The following NRBP2 variants were observed in gnomAD, a reference collection of about 807,000 sequenced individuals.
The protein encoded by NRBP2 is nuclear receptor-binding protein 2.
A neutral mutation model predicts 74.4 loss-of-function variants in NRBP2; 47 were observed. The ratio of observed to expected loss-of-function variants is 0.63; its 90% confidence interval spans 0.50 to 0.81. The LOEUF (loss-of-function observed/expected upper bound fraction) is 0.81, where lower values mean the gene tolerates loss of function less well. NRBP2 is among the 30% of genes least tolerant of loss of function. The pLI, the probability that NRBP2 is intolerant of heterozygous loss-of-function variation, is 0.00. For synonymous variants in NRBP2, 312 were observed against 273.8 expected (o/e 1.14, Z -1.38); for missense variants, 613 against 690.1 (o/e 0.89, Z 1.25).
At chr8:143,830,627 A>C (rs1417846872), downstream of NRBP2, among the ~76,000 whole-genome samples, 1 of 152,226 alleles carries the variant, frequency 6.6e-6, no homozygotes, top group Non-Finnish European at 1.5e-5. Context: ...TGCCCAGTAG[A>C]ATGGCCCAGC....
At chr8:143,831,872 G>C (rs1356763033), downstream of NRBP2, among the ~76,000 whole-genome samples, 1 of 152,182 alleles carries the variant, frequency 6.6e-6, no homozygotes, top group Non-Finnish European at 1.5e-5. Context: ...AGAGTTCTTG[G>C]AACTAGAAGA....
rs1312642410 is a variant in NRBP2 at position 143,838,456 on chromosome 8, G to A, written c.840+224C>T. Among the ~76,000 whole-genome samples, 5 of 152,232 alleles carry A rather than the reference G, an allele frequency of 3.3e-5. No homozygotes were observed. In the East Asian group the frequency reaches 9.6e-4, roughly 29 times the overall value. ...TGGTGATGGCAGCCACAGAGGGAGG[G>A]TCTCTCTTGCCTTCTTGTCCTTAGA... On this transcript the variant is annotated intron_variant, in intron 10 of 17. Coordinates refer to ENST00000442628, the MANE Select transcript of NRBP2 (RefSeq NM_178564.4).
At position 143,837,103 on chromosome 8, in the gene NRBP2, G is replaced by A. The variant is rs782213930; in HGVS notation, c.1199C>T (p.Pro400Leu). ...CTTGGCCTTTTGGACCTCCTCCGGG[G>A]GTGGGGCCAGCACACGGGGCAGCCC... The part of the protein sequence containing the change: ...PLGLPRVLAP[P>L]PEEVQKAKTP... The change falls in exon 14 of 18, where the codon CCC becomes CTC. Residue 400 changes from proline to leucine, a missense_variant. Pro to Leu is a moderately conservative substitution (Grantham distance 98). Around this residue, in one of 2 missense-constraint regions of NRBP2, gnomAD observed 281 missense variants for 260.9 expected, o/e 1.08. Transcript: ENST00000442628. The surrounding 1 kb of genome is among the most constrained non-coding windows in gnomAD (Gnocchi z 4.3). The A allele has an allele frequency of 1.2e-5, 19 of 1,612,582 alleles. No homozygotes were observed. The highest frequency in any genetic ancestry group is 1.6e-5 in the Non-Finnish European group (19 of 1,179,394).
In NRBP2 at chr8:143,840,535, G is replaced by C; in HGVS notation, c.129+171C>G. On this transcript the variant is annotated intron_variant, in intron 1 of 17. Transcript: ENST00000442628. This position sits in a 1 kb window ranked among gnomAD's most constrained non-coding sequence, Gnocchi z 5.7. ...AGACTGGCCCTCAGGGAGTCCCAGGGCGAGCGCCAGGCCAAAGGGGTCCAG... is the reference window on the plus strand; with the variant it reads ...AGACTGGCCCTCAGGGAGTCCCAGGCCGAGCGCCAGGCCAAAGGGGTCCAG... The C allele has an allele frequency of 1.4e-6, 1 of 712,692 alleles. No individual in the cohort carries two copies. Among genetic ancestry groups the C allele is most frequent in the Non-Finnish European group, 2.2e-6 (1 of 449,140 alleles). The allele number at this position is 712,692 out of a possible 1,614,324, so 44.1% of individuals were successfully genotyped here. A position where few individuals can be genotyped will look rare whatever the true frequency, so the allele number is the denominator to read the frequency against.
downstream of NRBP2, among the ~76,000 whole-genome samples, chr8:143,832,065 T>G (rs1408302750): frequency 1.3e-5 from 2 of 152,242 alleles, no homozygotes; most frequent in Non-Finnish European, 2.9e-5. Context: ...CTCCATTTTG[T>G]TTTGTACTAA....
chr8:143,839,565 CGACTCCGTCGGTCGGGTGGGCGCAG>C lies in NRBP2; in HGVS notation c.445-41_445-17del. The stretch of plus-strand genomic sequence containing the variant: ...GCTTCCAGGCCTGGCGGCGGACGCA[CGACTCCGTCGGTCGGGTGGGCGCAG>C]GAGAGGCGGCTGGGCCTGCGGAGCC... On this transcript the variant is annotated splice_polypyrimidine_tract_variant and intron_variant, in intron 4 of 17. Transcript: ENST00000442628. This position sits in a 1 kb window ranked among gnomAD's most constrained non-coding sequence, Gnocchi z 5.1. 6.5e-7 allele frequency: 1 copy of C among 1,528,710 alleles called. No homozygotes were observed. The highest frequency in any genetic ancestry group is 8.7e-7 in the Non-Finnish European group (1 of 1,143,688). The allele number at this position is 1,528,710 out of a possible 1,614,324, so 94.7% of individuals were successfully genotyped here.
In NRBP2 at chr8:143,838,975, G is replaced by C. The variant is rs1257446477; in HGVS notation, c.689-37C>G. 4 of 1,573,218 alleles carry C rather than the reference G, an allele frequency of 2.5e-6. No homozygotes were observed. The African/African-American group carries it at 5.4e-5, about 21-fold the overall frequency. On this transcript the variant is annotated intron_variant, in intron 8 of 17. Coordinates refer to ENST00000442628, the MANE Select transcript of NRBP2 (RefSeq NM_178564.4). ...AGAGCACAGGACACGTAGGAGAGAAGCGCAGGGTAGGCACGGGGCACCCGG... is the reference window on the plus strand; with the variant it reads ...AGAGCACAGGACACGTAGGAGAGAACCGCAGGGTAGGCACGGGGCACCCGG...
At position 143,835,045 on chromosome 8, in the gene NRBP2, G is replaced by C. The variant is rs1818299341; in HGVS notation, c.*617C>G. ...GGGTGGGTAAAGGGTCAAAGAGGTG[G>C]CTCTAGGGCAGAGCTGTGTGGGACC... On this transcript the variant is annotated 3_prime_UTR_variant, in exon 18 of 18. Transcript: ENST00000442628. The surrounding 1 kb of genome is among the most constrained non-coding windows in gnomAD (Gnocchi z 4.9). 6.5e-6 allele frequency: 1 copy of C among 153,632 alleles called. No individual in the cohort carries two copies. Among genetic ancestry groups the C allele is most frequent in the African/African-American group, 2.4e-5 (1 of 41,432 alleles). 9.5% of individuals were successfully genotyped at this position (153,632 alleles called of 1,614,324 possible).
intron 10 of NRBP2, chr8:143,838,025 G>A (rs1238850695): frequency 1.5e-6 from 1 of 681,366 alleles, no homozygotes; most frequent in African/African-American, 1.8e-5. Flanking sequence ...TGATCCTAAA[G>A]TCACACCTGC....
At position 143,839,343 on chromosome 8, in the gene NRBP2, T is replaced by G; in HGVS notation, c.551A>C (p.Gln184Pro). Reference sequence around the variant, plus strand: ...GCCGATCTTGATGAGGCCGTTGTGCTGAATGAAGATGGTGTCGCTGGTCAG... The same window carrying G: ...GCCGATCTTGATGAGGCCGTTGTGCGGAATGAAGATGGTGTCGCTGGTCAG... ...GNLTSDTIFI[Q>P]HNGLIKIGSV... Residue 184 changes from glutamine to proline, a missense_variant, in exon 6 of 18, where the codon CAG becomes CCG. Gln to Pro is a moderately conservative substitution (Grantham distance 76). Around this residue, in one of 2 missense-constraint regions of NRBP2, gnomAD observed 332 missense variants for 429.2 expected, o/e 0.77. Coordinates refer to ENST00000442628, the MANE Select transcript of NRBP2 (RefSeq NM_178564.4). The surrounding 1 kb of genome is among the most constrained non-coding windows in gnomAD (Gnocchi z 5.1). The G allele has an allele frequency of 6.4e-7, 1 of 1,571,852 alleles. No individual in the cohort carries two copies. Among genetic ancestry groups the G allele is most frequent in the Non-Finnish European group, 8.6e-7 (1 of 1,165,904 alleles).
chr8:143,839,057 C>T lies in NRBP2; in HGVS notation c.648G>A (p.Glu216=), dbSNP rs1554652760. 2.0e-6 allele frequency: 3 copies of T among 1,537,470 alleles called. No homozygotes were observed. Among genetic ancestry groups the T allele is most frequent in the Non-Finnish European group, 2.6e-6 (3 of 1,145,190 alleles). ...DLRSPIRAER[E]ELRNLHFFPP... ...GGAAGAAGTGCAGGTTCCGAAGTTC[C>T]TCTCGCTCAGCGCGGATGGGGCTTC... The change falls in exon 8 of 18, where the codon GAG becomes GAA. Residue 216 remains glutamate, a synonymous_variant. Coordinates refer to ENST00000442628, the MANE Select transcript of NRBP2 (RefSeq NM_178564.4). The surrounding 1 kb of genome is among the most constrained non-coding windows in gnomAD (Gnocchi z 5.1).
Position 143,838,727 on chromosome 8 carries a change from CCT to C in NRBP2, c.791_792del (p.Glu264GlyfsTer12), listed in dbSNP as rs1818543062. On this transcript the variant is annotated frameshift_variant, in exon 10 of 18. Transcript: ENST00000442628. LOFTEE classifies it high-confidence loss of function. Reference protein sequence around the residue: ...IQTNGDTRVTEEAIARARHSL... With the variant: ...IQTNGDTRVTXEAIARARHSL... ...GAGTGCCTGGCGCGAGCAATGGCCTCCTCTGTGACCCGGGTGTCCCCATTGGT... is the reference window on the plus strand; with the variant it reads ...GAGTGCCTGGCGCGAGCAATGGCCTCCTGTGACCCGGGTGTCCCCATTGGT... 14 of 1,613,272 alleles carry C rather than the reference CCT, an allele frequency of 8.7e-6. No homozygotes were observed. Among genetic ancestry groups the C allele is most frequent in the African/African-American group, 1.3e-5 (1 of 74,932 alleles).
Position 143,839,953 on chromosome 8 carries a change from C to T in NRBP2, c.330G>A (p.Leu110=), listed in dbSNP as rs938254969. 1.0e-5 allele frequency: 16 copies of T among 1,536,206 alleles called. No homozygotes were observed. The Admixed American group carries it at 2.9e-4, about 28-fold the overall frequency. Residue 110 remains leucine (L), a synonymous_variant, in exon 3 of 18, where the codon CTG becomes CTA. Transcript: ENST00000442628. The surrounding 1 kb of genome is among the most constrained non-coding windows in gnomAD (Gnocchi z 5.1). The part of the protein sequence containing the change: ...PNIVKLHKYW[L]DTSEACARVI... ...CCCTCGCGCAGGCCTCAGAGGTATC[C>T]AGCCAGTACTTGTGCAACTTCACGA...
chr8:143,832,017 G>A (rs1818181115), downstream of NRBP2, among the ~76,000 whole-genome samples: 1 of 152,234 alleles, frequency 6.6e-6, no homozygotes, highest in Non-Finnish European at 1.5e-5. Flanking sequence ...AGATCAGATT[G>A]TTACTGTGTC....
In NRBP2 at chr8:143,836,106, GC is replaced by G. The variant is rs1342734431; in HGVS notation, c.1317+20del. On this transcript the variant is annotated intron_variant, in intron 15 of 17. Coordinates refer to ENST00000442628, the MANE Select transcript of NRBP2 (RefSeq NM_178564.4). Reference sequence around the variant, plus strand: ...CTCCCGCCTTCCCCACGGCAGCGCCGCCCTCCCAGGCCCCGCTCACATGCCA... The same window carrying G: ...CTCCCGCCTTCCCCACGGCAGCGCCGCCTCCCAGGCCCCGCTCACATGCCA... 1 of 1,598,262 alleles carries G rather than the reference GC, an allele frequency of 6.3e-7. No homozygotes were observed. Among genetic ancestry groups the G allele is most frequent in the Non-Finnish European group, 8.5e-7 (1 of 1,174,666 alleles).
chr8:143,839,718 C>G lies in NRBP2; in HGVS notation c.444+18G>C. The G allele has an allele frequency of 6.5e-7, 1 of 1,534,148 alleles. No individual in the cohort carries two copies. The highest frequency in any genetic ancestry group is 8.7e-7 in the Non-Finnish European group (1 of 1,146,402). ...ACCCCGTCCTGTCCCCGTGGCTGCCCCAGCCCGCTCCCCATACCCGGGCGT... is the reference window on the plus strand; with the variant it reads ...ACCCCGTCCTGTCCCCGTGGCTGCCGCAGCCCGCTCCCCATACCCGGGCGT... On this transcript the variant is annotated intron_variant, in intron 4 of 17. Transcript: ENST00000442628. This position sits in a 1 kb window ranked among gnomAD's most constrained non-coding sequence, Gnocchi z 5.1.
At position 143,837,357 on chromosome 8, in the gene NRBP2, CGGGGAGGGGAGGTGT is replaced by C. The variant is rs782272838; in HGVS notation, c.1076+35_1076+49del. ...GGCCGGGGCGAGGGGAGGGGAGGTG[CGGGGAGGGGAGGTGT>C]GGGGAGGGGAGGCTTCTGGGTGCTG... On this transcript the variant is annotated intron_variant, in intron 12 of 17. Transcript: ENST00000442628. The surrounding 1 kb of genome is among the most constrained non-coding windows in gnomAD (Gnocchi z 4.3). 6.2e-4 allele frequency: 65 copies of C among 105,074 alleles called. No individual in the cohort carries two copies. The highest frequency in any genetic ancestry group is 5.8e-3 in the Middle Eastern group (8 of 1,368). The allele number at this position is 105,074 out of a possible 1,614,324, so 6.5% of individuals were successfully genotyped here.
rs1554650943 is a variant in NRBP2, at chr8:143,834,418, G to A, written c.*1244C>T. On this transcript the variant is annotated 3_prime_UTR_variant, in exon 18 of 18. Coordinates refer to ENST00000442628, the MANE Select transcript of NRBP2 (RefSeq NM_178564.4). ...TGTGGATTCTGCCAGCAGCCTGAAGGAGCAGGAGACAGAGTCTCCCCTAGA... is the reference window on the plus strand; with the variant it reads ...TGTGGATTCTGCCAGCAGCCTGAAGAAGCAGGAGACAGAGTCTCCCCTAGA... 3 of 152,238 alleles carry A rather than the reference G, an allele frequency of 2.0e-5. No homozygotes were observed. Among genetic ancestry groups the A allele is most frequent in the Non-Finnish European group, 4.4e-5 (3 of 68,050 alleles). 9.4% of individuals were successfully genotyped at this position (152,238 alleles called of 1,614,324 possible). A position where few individuals can be genotyped will look rare whatever the true frequency, so the allele number is the denominator to read the frequency against.
chr8:143,831,809 G>A (rs1818174143), downstream of NRBP2, among the ~76,000 whole-genome samples: 1 of 152,176 alleles, frequency 6.6e-6, no homozygotes, highest in South Asian at 2.1e-4. Context: ...CAAGTAATGG[G>A]GCAAAGAAAA....
Sources: allele counts gnomAD v4.1 joint callset (sites outside exome capture counted in the v4.1 genomes callset), GRCh38; gene constraint gnomAD v4.1.1; regional missense constraint gnomAD v4.1.1; non-coding constraint Gnocchi (gnomAD v3.1); transcripts MANE v1.5; gene names NCBI Gene and HGNC (gene_info 2026-07-23, HGNC 2026-07-21).